Variants in GRB10 observed in about 807,000 individuals in gnomAD.
The protein encoded by GRB10 is growth factor receptor bound protein 10.
GRB10 carries 20 observed loss-of-function variants against 80.9 expected under a neutral mutation model. The ratio of observed to expected loss-of-function variants is 0.25; its 90% CI spans 0.17 to 0.36. The LOEUF (loss-of-function observed/expected upper bound fraction) is 0.36, where lower values mean the gene tolerates loss of function less well. Ranked by LOEUF, GRB10 falls within the 10% of genes least tolerant of loss-of-function variation. GRB10 has a pLI of 1.00. For synonymous variants in GRB10, 291 were observed against 291.5 expected, an observed-to-expected ratio of 1.00 and a Z score of 0.02; for missense variants, 548 against 747.7, an observed-to-expected ratio of 0.73 and a Z score of 3.12.
At chr7:50,689,145 A>T (rs573025320) in intron 5 of GRB10, among the ~76,000 whole-genome samples, 1 of 152,274 alleles carries the variant, frequency 6.6e-6, no homozygotes, top group South Asian at 2.1e-4. Flanking sequence ...CAAGGTGGGG[A>T]AACCATTTTG....
At chr7:50,739,936 T>G (rs911423280) in intron 3 of GRB10, among the ~76,000 whole-genome samples, 9 of 152,156 alleles carry the variant, frequency 5.9e-5, no homozygotes, top group Non-Finnish European at 1.3e-4. Context: ...TTATGCCACC[T>G]CTTCCTGTGA....
chr7:50,651,901 C>T (rs1051111606), intron 7 of GRB10, among the ~76,000 whole-genome samples: 2 of 152,226 alleles, frequency 1.3e-5, no homozygotes, highest in African/African-American at 4.8e-5. Context: ...ATGGTCTCTT[C>T]TGTGTTTCCA....
chr7:50,704,458 A>G (rs773202228), intron 4 of GRB10, among the ~76,000 whole-genome samples: 2 of 152,248 alleles, frequency 1.3e-5, no homozygotes, highest in Non-Finnish European at 2.9e-5. Context: ...ACACACCTGC[A>G]TGGGACCAGA....
upstream of GRB10, among the ~76,000 whole-genome samples, chr7:50,783,600 G>C (rs141947609): frequency 1.3e-5 from 2 of 152,012 alleles, no homozygotes; most frequent in East Asian, 3.9e-4. Context: ...TGCAATGATG[G>C]AAGCAAAACA....
chr7:50,702,265 AG>A (rs1488042951), intron 5 of GRB10, among the ~76,000 whole-genome samples: 2 of 152,160 alleles, frequency 1.3e-5, no homozygotes, highest in African/African-American at 4.8e-5. Context: ...AAAAGAGGGG[AG>A]CCCCACCACA....
intron 7 of GRB10, among the ~76,000 whole-genome samples, chr7:50,644,050 A>G (rs1222247654): frequency 6.6e-6 from 1 of 152,208 alleles, no homozygotes; most frequent in Non-Finnish European, 1.5e-5. Context: ...ATGAGGTTAC[A>G]TAGTGGAAAG....
chr7:50,775,578 G>C (rs2077541223), intron 2 of GRB10, among the ~76,000 whole-genome samples: 1 of 152,210 alleles, frequency 6.6e-6, no homozygotes, highest in African/African-American at 2.4e-5. Context: ...CCAGCCTCAA[G>C]ACTCTGCTGG....
intron 2 of GRB10, among the ~76,000 whole-genome samples, chr7:50,773,612 T>C (rs1196405484): frequency 6.6e-6 from 1 of 152,068 alleles, no homozygotes; most frequent in East Asian, 1.9e-4. Flanking sequence ...TGTAAAATGG[T>C]GCAGCTGCTC....
intron 1 of GRB10, among the ~76,000 whole-genome samples, chr7:50,790,999 G>A (rs1338144611): frequency 6.6e-6 from 1 of 152,134 alleles, no homozygotes; most frequent in Non-Finnish European, 1.5e-5. Flanking sequence ...GCTGCCCTTG[G>A]TCCCAGTCCT....
chr7:50,773,695 AC>A (rs2077268283), intron 2 of GRB10, among the ~76,000 whole-genome samples: 9 of 152,218 alleles, frequency 5.9e-5, no homozygotes. Context: ...TATAATCTAG[AC>A]ATATATACAA....
chr7:50,683,502 C>T (rs10239132), intron 5 of GRB10, among the ~76,000 whole-genome samples: 107,894 of 152,094 alleles, frequency 0.71, 39,590 homozygotes, highest in East Asian at 0.91. Flanking sequence ...TTTGGGAGGC[C>T]GTGGCGGGTG....
At chr7:50,687,602 T>C (rs1199292095) in intron 5 of GRB10, among the ~76,000 whole-genome samples, 1 of 152,258 alleles carries the variant, frequency 6.6e-6, no homozygotes, top group East Asian at 1.9e-4. Context: ...CTGCGGATCC[T>C]GCCGTAGGGA....
rs547775940 is a variant in GRB10, at chr7:50,590,940, G to A, written c.*2012C>T. 6.6e-5 allele frequency: 10 copies of A among 152,308 alleles called. No homozygotes were observed. Among genetic ancestry groups the A allele is most frequent in the South Asian group, 2.1e-4 (1 of 4,826 alleles). The allele number at this position is 152,308 out of a possible 1,614,324, so 9.4% of individuals were successfully genotyped here. On this transcript the variant is annotated 3_prime_UTR_variant, in exon 19 of 19. Transcript: ENST00000401949. Reference sequence around the variant, plus strand: ...TACAAGCTGTCTATTGGAGAGAGGCGTGTGAGAGAGAGATTATACACTGAT... The same window carrying A: ...TACAAGCTGTCTATTGGAGAGAGGCATGTGAGAGAGAGATTATACACTGAT...
At chr7:50,623,651 C>T (rs1054060075) in intron 8 of GRB10, among the ~76,000 whole-genome samples, 2 of 152,234 alleles carry the variant, frequency 1.3e-5, no homozygotes, top group African/African-American at 4.8e-5. Context: ...AAGGGAACCA[C>T]CTGCTGCAGG....
At chr7:50,721,451 C>A (rs901388080) in intron 4 of GRB10, among the ~76,000 whole-genome samples, 5 of 152,182 alleles carry the variant, frequency 3.3e-5, no homozygotes, top group Non-Finnish European at 7.3e-5. Context: ...ATTCAAGTAG[C>A]CCTTACTATA....
intron 5 of GRB10, among the ~76,000 whole-genome samples, chr7:50,679,275 G>GA (rs1238134539): frequency 6.6e-6 from 1 of 152,020 alleles, no homozygotes; most frequent in Non-Finnish European, 1.5e-5. Flanking sequence ...TAAACTCAGC[G>GA]AAACACATTT....
chr7:50,666,437 C>T (rs1451449520), intron 7 of GRB10, among the ~76,000 whole-genome samples: 1 of 152,176 alleles, frequency 6.6e-6, no homozygotes, highest in Non-Finnish European at 1.5e-5. Flanking sequence ...TTTTCCCTCC[C>T]CTCCTTCCTT....
Position 50,626,922 on chromosome 7 carries a change from G to C in GRB10, c.561C>G (p.Asp187Glu). 1.2e-6 allele frequency: 2 copies of C among 1,614,170 alleles called. No individual in the cohort carries two copies. The highest frequency in any genetic ancestry group is 1.7e-6 in the Non-Finnish European group (2 of 1,180,012). ...GTSKVVEILA[D>E]MTARDLCQLL... ...ATTGGCACAGGTCTCTGGCTGTCATGTCTGCTAGAATCTCCACCACTTTGC... is the reference window on the plus strand; with the variant it reads ...ATTGGCACAGGTCTCTGGCTGTCATCTCTGCTAGAATCTCCACCACTTTGC... Residue 187 changes from aspartate (D) to glutamate (E), a missense_variant, in exon 8 of 19, where the codon GAC becomes GAG. Coordinates refer to ENST00000401949, the MANE Select transcript of GRB10 (RefSeq NM_001350814.2).
intron 15 of GRB10, chr7:50,605,042 GAA>G (rs2048286990): frequency 3.6e-6 from 2 of 549,438 alleles, no homozygotes; most frequent in Non-Finnish European, 6.5e-6. Context: ...GGAGGGCAGA[GAA>G]CTCTGTTCCT....
Sources: gnomAD v4.1 joint callset for allele counts (sites outside exome capture counted in the v4.1 genomes callset) on GRCh38, gnomAD v4.1.1 for gene constraint, MANE v1.5 for transcripts, NCBI Gene and HGNC (gene_info 2026-07-23, HGNC 2026-07-21) for gene names.